The following PRKN variants were observed in gnomAD, a reference collection of about 807,000 sequenced individuals.
PRKN encodes E3 ubiquitin-protein ligase parkin.
A neutral mutation model predicts 59.5 loss-of-function variants in PRKN; 56 were observed. The ratio of observed to expected loss-of-function variants is 0.94; its 90% CI spans 0.76 to 1.18. The LOEUF (loss-of-function observed/expected upper bound fraction) is 1.18, where lower values mean the gene tolerates loss of function less well. Among genes scored for constraint, PRKN ranks in the 50% most tolerant of loss-of-function variants. The probability of loss-of-function intolerance (pLI) is 0.00; values close to 1 mark genes in which losing one functional copy is unlikely to be tolerated. For synonymous variants in PRKN, 250 were observed against 222.1 expected (o/e 1.13, Z -1.12); for missense variants, 657 against 596.4 (o/e 1.10, Z -1.06).
At chr6:162,677,373 A>G (rs1163851990) in intron 1 of PRKN, among the ~76,000 whole-genome samples, 1 of 149,508 alleles carries the variant, frequency 6.7e-6, no homozygotes, top group Non-Finnish European at 1.5e-5. Flanking sequence ...AAATTATTTC[A>G]TTATCTCCAC....
intron 1 of PRKN, among the ~76,000 whole-genome samples, chr6:162,684,259 C>T (rs1201013955): frequency 1.3e-5 from 2 of 150,482 alleles, no homozygotes; most frequent in Admixed American, 1.3e-4. Flanking sequence ...TTTTTTTTTT[C>T]CAGTGTTTTC....
intron 1 of PRKN, among the ~76,000 whole-genome samples, chr6:162,576,599 G>A (rs1780565997): frequency 6.6e-6 from 1 of 152,112 alleles, no homozygotes; most frequent in African/African-American, 2.4e-5. Context: ...AGTATTTGAG[G>A]TCAGGAGTTC....
At chr6:162,320,966 A>G (rs1000246003) in intron 2 of PRKN, among the ~76,000 whole-genome samples, 8 of 151,914 alleles carry the variant, frequency 5.3e-5, no homozygotes, top group African/African-American at 1.9e-4. Flanking sequence ...ACCTTCACAA[A>G]CAAAAAATGA....
chr6:162,406,198 G>A (rs775083738), intron 2 of PRKN, among the ~76,000 whole-genome samples: 5 of 152,166 alleles, frequency 3.3e-5, no homozygotes, highest in South Asian at 2.1e-4. Context: ...ATGTAAGATC[G>A]TTGCCATTGT....
chr6:161,699,274 C>A (rs903154592), intron 7 of PRKN, among the ~76,000 whole-genome samples: 1 of 152,126 alleles, frequency 6.6e-6, no homozygotes, highest in African/African-American at 2.4e-5. Context: ...TGGGAAGGTA[C>A]AATGGTACAA....
chr6:161,677,224 A>C (rs1433999941), intron 7 of PRKN, among the ~76,000 whole-genome samples: 1 of 152,130 alleles, frequency 6.6e-6, no homozygotes, highest in African/African-American at 2.4e-5. Context: ...GATCTGGAAA[A>C]GTAGGAGTGA....
At chr6:162,279,823 C>G (rs1780806149) in intron 2 of PRKN, among the ~76,000 whole-genome samples, 1 of 152,086 alleles carries the variant, frequency 6.6e-6, no homozygotes, top group Admixed American at 6.6e-5. Flanking sequence ...CTTTGTAGGC[C>G]TCTAAGAAGT....
intron 2 of PRKN, among the ~76,000 whole-genome samples, chr6:162,297,780 A>T (rs573710350): frequency 5.9e-5 from 9 of 152,304 alleles, no homozygotes; most frequent in Admixed American, 2.0e-4. Flanking sequence ...GTATCAATAT[A>T]GCAACATACC....
At chr6:162,686,413 A>G (rs948582567) in intron 1 of PRKN, among the ~76,000 whole-genome samples, 14 of 152,052 alleles carry the variant, frequency 9.2e-5, no homozygotes, top group African/African-American at 3.4e-4. Flanking sequence ...TTGGAGGAGA[A>G]GTTTTTGTTT....
chr6:161,808,286 G>C (rs954756693), intron 6 of PRKN, among the ~76,000 whole-genome samples: 1 of 151,832 alleles, frequency 6.6e-6, no homozygotes, highest in Non-Finnish European at 1.5e-5. Flanking sequence ...GACATCATTG[G>C]GTCAGCTGAC....
chr6:162,125,682 A>C (rs1484577882), intron 4 of PRKN, among the ~76,000 whole-genome samples: 2 of 152,222 alleles, frequency 1.3e-5, no homozygotes, highest in Non-Finnish European at 2.9e-5. Context: ...CTGGTAACGT[A>C]CCATGGCCAA....
At chr6:162,376,461 C>T (rs117213593) in intron 2 of PRKN, among the ~76,000 whole-genome samples, 2 of 151,778 alleles carry the variant, frequency 1.3e-5, no homozygotes, top group Non-Finnish European at 2.9e-5. Flanking sequence ...AAAAGCTATA[C>T]AGGGTATTCC....
intron 1 of PRKN, among the ~76,000 whole-genome samples, chr6:162,608,996 C>A (rs570418393): frequency 1.3e-5 from 2 of 152,136 alleles, no homozygotes; most frequent in Non-Finnish European, 2.9e-5. Context: ...GCCAGTGAGG[C>A]TCTCTTCCTG....
At chr6:161,842,504 T>G (rs1352580740) in intron 6 of PRKN, among the ~76,000 whole-genome samples, 1 of 151,048 alleles carries the variant, frequency 6.6e-6, no homozygotes, top group African/African-American at 2.4e-5. Context: ...AAGAGAGACA[T>G]GTCCTTGCTG....
At chr6:161,534,629 A>T (rs1327214372) in intron 9 of PRKN, among the ~76,000 whole-genome samples, 1 of 152,230 alleles carries the variant, frequency 6.6e-6, no homozygotes, top group Admixed American at 6.5e-5. Context: ...CCATGCGGCT[A>T]TGCTGTTTCG....
At chr6:162,623,039 T>C (rs769051682) in intron 1 of PRKN, among the ~76,000 whole-genome samples, 9 of 152,186 alleles carry the variant, frequency 5.9e-5, no homozygotes, top group East Asian at 1.9e-4. Flanking sequence ...TGCTACCATA[T>C]GAGAAAAGAG....
chr6:161,720,516 T>TGG (rs375903522), intron 7 of PRKN, among the ~76,000 whole-genome samples: 8 of 141,450 alleles, frequency 5.7e-5, no homozygotes, highest in African/African-American at 2.3e-4. Flanking sequence ...TGGGCACAGG[T>TGG]GGGGGGGGGC....
At chr6:162,031,929 T>C (rs1003148504) in intron 5 of PRKN, among the ~76,000 whole-genome samples, 2 of 152,210 alleles carry the variant, frequency 1.3e-5, no homozygotes, top group Non-Finnish European at 2.9e-5. Context: ...CCCAGTTAGC[T>C]GAAAGCTTGT....
chr6:161,968,662 T>C (rs1300094684), intron 6 of PRKN, among the ~76,000 whole-genome samples: 3 of 152,170 alleles, frequency 2.0e-5, no homozygotes, highest in Non-Finnish European at 4.4e-5. Context: ...GTATGATTAA[T>C]ACATATATAT....
Sources: allele counts gnomAD v4.1 joint callset (sites outside exome capture counted in the v4.1 genomes callset), GRCh38; gene constraint gnomAD v4.1.1; transcripts MANE v1.5; gene names NCBI Gene and HGNC (gene_info 2026-07-23, HGNC 2026-07-21).